Variants in ZNF233 observed in about 807,000 individuals in gnomAD.
The protein encoded by ZNF233 is zinc finger protein 233.
In ZNF233, 7 loss-of-function variants were observed where a neutral mutation model predicts 11.6. The observed-to-expected ratio is 0.60, with a 90% CI of 0.34 to 1.13. ZNF233 has a LOEUF of 1.13. Among genes scored for constraint, ZNF233 ranks in the 50% most tolerant of loss-of-function variants. The pLI is 0.03. For synonymous variants in ZNF233, 226 were observed against 268.5 expected (o/e 0.84, Z 1.55); for missense variants, 711 against 785.5 (o/e 0.91, Z 1.13).
intron 2 of ZNF233, among the ~76,000 whole-genome samples, chr19:44,264,800 T>C (rs758623140): frequency 6.6e-6 from 1 of 152,086 alleles, no homozygotes; most frequent in Non-Finnish European, 1.5e-5. Context: ...TTTTATATGA[T>C]TTAGTGTTCC....
chr19:44,263,435 C>A (rs1324700387), intron 1 of ZNF233, among the ~76,000 whole-genome samples: 1 of 152,088 alleles, frequency 6.6e-6, no homozygotes, highest in Admixed American at 6.6e-5. Context: ...AAATTAGAAT[C>A]TGTTATTAGT....
In ZNF233 at chr19:44,266,158, T is replaced by C; in HGVS notation, c.16-40T>C. ...AGTGCTGCCTCTCTCCCAGCAGTTA[T>C]TGGCCATAAGATTGAGATTACATCT... is the stretch of plus-strand genomic sequence containing the variant. On this transcript the variant is annotated intron_variant, in intron 2 of 4. Coordinates refer to ENST00000683810, the MANE Select transcript of ZNF233 (RefSeq NM_001207005.2). 3 of 1,574,370 alleles carry C rather than the reference T, an allele frequency of 1.9e-6. No individual in the cohort carries two copies. In the East Asian group the frequency reaches 7.0e-5, roughly 37 times the overall value.
rs932813166 is a variant in ZNF233 at position 44,275,119 on chromosome 19, C to T, written c.*446C>T. 8 of 396,698 alleles carry T rather than the reference C, an allele frequency of 2.0e-5. No individual in the cohort carries two copies. The highest frequency in any genetic ancestry group is 1.6e-4 in the African/African-American group (8 of 48,532). 24.6% of individuals were successfully genotyped at this position (396,698 alleles called of 1,614,324 possible). Reference sequence around the variant, plus strand: ...ACTGCTGCATGATCGTGACCTTGAACAAGTACCTAAGAAATAGTGGCTTCC... The same window carrying T: ...ACTGCTGCATGATCGTGACCTTGAATAAGTACCTAAGAAATAGTGGCTTCC... On this transcript the variant is annotated 3_prime_UTR_variant, in exon 5 of 5. Transcript: ENST00000683810.
chr19:44,274,707 TA>T lies in ZNF233; in HGVS notation c.*35del, dbSNP rs752172200. On this transcript the variant is annotated 3_prime_UTR_variant, in exon 5 of 5. Transcript: ENST00000683810. ...AATCTATTAATCATGATGAGTGTGA[TA>T]GGGGTGCTCTTCAAGACTTAGACTT... 49 of 1,499,018 alleles carry T rather than the reference TA, an allele frequency of 3.3e-5. No individual in the cohort carries two copies. In the East Asian group the frequency reaches 9.1e-4, roughly 28 times the overall value. 92.9% of individuals were successfully genotyped at this position (1,499,018 alleles called of 1,614,324 possible). A position where few individuals can be genotyped will look rare whatever the true frequency, so the allele number is the denominator to read the frequency against.
At chr19:44,266,120 T>G (rs771262640) in intron 2 of ZNF233, 78 bp from the exon 3 acceptor site, 1 of 1,442,674 alleles carries the variant, frequency 6.9e-7, no homozygotes, top group Non-Finnish European at 9.2e-7. Flanking sequence ...CTGCCTGTTC[T>G]TTCTACCTGC....
At chr19:44,272,098 T>C (rs905926088) in intron 4 of ZNF233, among the ~76,000 whole-genome samples, 3 of 151,154 alleles carry the variant, frequency 2.0e-5, no homozygotes, top group Non-Finnish European at 4.4e-5. Flanking sequence ...TGTGGTGGCA[T>C]GCACTTGTAG....
At position 44,264,332 on chromosome 19, in the gene ZNF233, C is replaced by T. The variant is rs909933724; in HGVS notation, c.-29C>T. The T allele has an allele frequency of 2.5e-6, 4 of 1,612,884 alleles. No homozygotes were observed. The African/African-American group carries it at 4.0e-5, about 16-fold the overall frequency. ...TTCCCAGTTCTGCCTTCCCAGGACC[C>T]TGCCCTTCCCCAGAAGGAGCAGGAG... On this transcript the variant is annotated 5_prime_UTR_variant, in exon 2 of 5. Coordinates refer to ENST00000683810, the MANE Select transcript of ZNF233 (RefSeq NM_001207005.2).
In ZNF233 at chr19:44,273,186, T is replaced by C. The variant is rs143314190; in HGVS notation, c.526T>C (p.Leu176=). ...TAGCATAAAAAATCAAGAGCTTCCA[T>C]TGAGGACCACCTGGGATTTCTGGAG... The part of the protein sequence containing the change: ...SNSIKNQELP[L]RTTWDFWRKM... Residue 176 remains leucine (L), a synonymous_variant, in exon 5 of 5, where the codon TTG becomes CTG. Transcript: ENST00000683810. 1.4e-3 allele frequency: 2,339 copies of C among 1,613,764 alleles called. 10 individuals carry two copies. Among genetic ancestry groups the C allele is most frequent in the Admixed American group, 4.6e-3 (278 of 60,020 alleles).
chr19:44,272,227 CAA>C (rs1226989331), intron 4 of ZNF233, among the ~76,000 whole-genome samples: 13 of 78,276 alleles, frequency 1.7e-4, no homozygotes, highest in African/African-American at 2.6e-4. Flanking sequence ...GACTCCATCT[CAA>C]AAAAAAAAAA....
At position 44,273,274 on chromosome 19, in the gene ZNF233, A is replaced by G. The variant is rs555929054; in HGVS notation, c.614A>G (p.Asn205Ser). The G allele has an allele frequency of 2.5e-6, 4 of 1,614,080 alleles. No individual in the cohort carries two copies. Among genetic ancestry groups the G allele is most frequent in the East Asian group, 2.2e-5 (1 of 44,884 alleles). Residue 205 changes from asparagine (N) to serine (S), a missense_variant, in exon 5 of 5, where the codon AAT becomes AGT. Transcript: ENST00000683810. ...QSRCQQIDVK[N>S]KLCKCDHCVR... ...AGGTGTCAGCAAATTGATGTAAAAA[A>G]TAAGCTCTGTAAATGTGATCATTGT...
intron 1 of ZNF233, 52 bp downstream of exon 1, chr19:44,259,990 G>A (rs1235340105): frequency 6.7e-6 from 3 of 444,620 alleles, no homozygotes; most frequent in South Asian, 3.2e-5. Context: ...TGGCCTGGGC[G>A]TTGGACTCGC....
intron 4 of ZNF233, among the ~76,000 whole-genome samples, chr19:44,272,458 G>A (rs1975261911): frequency 6.6e-6 from 1 of 151,894 alleles, no homozygotes; most frequent in Non-Finnish European, 1.5e-5. Flanking sequence ...TGATAGTCTG[G>A]GTGCGGTGGC....
In ZNF233 at chr19:44,264,236, G is replaced by A. The variant is rs1028485508; in HGVS notation, c.-47-78G>A. The A allele has an allele frequency of 1.8e-5, 17 of 947,852 alleles. 1 individual carries two copies. Among genetic ancestry groups the A allele is most frequent in the East Asian group, 1.0e-4 (4 of 40,172 alleles). 58.7% of individuals were successfully genotyped at this position (947,852 alleles called of 1,614,324 possible). A position where few individuals can be genotyped will look rare whatever the true frequency, so the allele number is the denominator to read the frequency against. On this transcript the variant is annotated intron_variant, in intron 1 of 4. Transcript: ENST00000683810. ...ATTACAGGCATGAGCCACCATGCCC[G>A]GCCACCTTTTAAAAATTCAGCCAGC...
At chr19:44,266,116 G>T (rs889005133) in intron 2 of ZNF233, 82 bp from the exon 3 acceptor site, 2 of 1,422,190 alleles carry the variant, frequency 1.4e-6, no homozygotes, top group Non-Finnish European at 1.9e-6. Context: ...CTTCCTGCCT[G>T]TTCTTTCTAC....
intron 2 of ZNF233, 49 bp from the exon 3 acceptor site, chr19:44,266,149 C>A (rs776586373): frequency 5.8e-6 from 9 of 1,564,880 alleles, no homozygotes; most frequent in Middle Eastern, 1.7e-4. Flanking sequence ...GCCTCTCTCC[C>A]AGCAGTTATT....
At chr19:44,266,167 A>G (rs762654136) in intron 2 of ZNF233, 31 bp from the exon 3 acceptor site, 18 of 1,586,114 alleles carry the variant, frequency 1.1e-5, no homozygotes, top group African/African-American at 2.7e-5. Context: ...ATTGGCCATA[A>G]GATTGAGATT....
chr19:44,262,481 A>C (rs899207398), intron 1 of ZNF233, among the ~76,000 whole-genome samples: 4 of 152,206 alleles, frequency 2.6e-5, no homozygotes. Context: ...TTTTTCTACT[A>C]AATGTCGTGA....
rs774893758 is a variant in ZNF233 at position 44,273,152 on chromosome 19, G to T, written c.492G>T (p.Glu164Asp). ...DENYVIKLQG[E>D]SSNSIKNQEL... ...ACTATGTAATAAAGCTACAAGGGGA[G>T]AGTTCAAATAGCATAAAAAATCAAG... Residue 164 changes from glutamate to aspartate, a missense_variant, in exon 5 of 5, where the codon GAG (glutamate) becomes GAT (aspartate). Coordinates refer to ENST00000683810, the MANE Select transcript of ZNF233 (RefSeq NM_001207005.2). 7 of 1,613,862 alleles carry T rather than the reference G, an allele frequency of 4.3e-6. No individual in the cohort carries two copies. The South Asian group carries it at 7.7e-5, about 18-fold the overall frequency.
intron 3 of ZNF233, 113 bp from the exon 4 acceptor site, chr19:44,266,753 A>T (rs547506271): frequency 1.5e-6 from 1 of 683,808 alleles, no homozygotes; most frequent in Non-Finnish European, 2.5e-6. Context: ...ACAATAGCTC[A>T]TGATCACAAT....
Sources: gnomAD v4.1 joint callset for allele counts (sites outside exome capture counted in the v4.1 genomes callset) on GRCh38, gnomAD v4.1.1 for gene constraint, MANE v1.5 for transcripts, NCBI Gene and HGNC (gene_info 2026-07-23, HGNC 2026-07-21) for gene names.